The following SULT2B1 variants were observed in gnomAD, a reference collection of about 807,000 sequenced individuals.
SULT2B1 encodes sulfotransferase 2B1.
In SULT2B1, 16 loss-of-function variants were observed where a neutral mutation model predicts 33.2. That is an observed-to-expected ratio of 0.48 (90% confidence interval 0.33 to 0.73). The LOEUF (loss-of-function observed/expected upper bound fraction) is 0.73. Among genes scored for constraint, SULT2B1 ranks in the 30% least tolerant of loss-of-function variants. The probability of loss-of-function intolerance (pLI) is 0.02; values close to 1 mark genes in which losing one functional copy is unlikely to be tolerated. For missense variants in SULT2B1, 500 were observed against 506.0 expected (o/e 0.99, Z 0.11); for synonymous variants, 186 against 200.5 (o/e 0.93, Z 0.61).
chr19:48,553,011 C>A lies in SULT2B1; in HGVS notation c.71+688C>A, dbSNP rs553637922. ...TTACGCAGCTAGAAGCAAATCTGAA[C>A]CCGGTCTGTCTCACGCCAGAGCCTG... On this transcript the variant is annotated intron_variant, in intron 1 of 6. Transcript: ENST00000201586. Among the ~76,000 whole-genome samples, 3 of 152,276 alleles carry A rather than the reference C, an allele frequency of 2.0e-5. No individual in the cohort carries two copies. The South Asian group carries it at 6.2e-4, about 32-fold the overall frequency.
At chr19:48,579,280 GTTC>G (rs1344639841) in intron 2 of SULT2B1, among the ~76,000 whole-genome samples, 2 of 147,806 alleles carry the variant, frequency 1.4e-5, no homozygotes, top group African/African-American at 2.5e-5. Flanking sequence ...TTGCATGCAA[GTTC>G]TTTTTTTTTT....
In SULT2B1 at chr19:48,576,005, C is replaced by T; in HGVS notation, c.136C>T (p.Leu46Phe). Residue 46 changes from leucine (L) to phenylalanine (F), a missense_variant, in exon 2 of 7, where the codon CTC (leucine) becomes TTC (phenylalanine). Coordinates refer to ENST00000201586, the MANE Select transcript of SULT2B1 (RefSeq NM_177973.2). ...GVPFPVGLYS[L>F]ESISLAENTQ... ...CCCCTTCCCCGTCGGCCTGTACTCGCTCGAGAGCATCAGCTTGGCGGAGAA... is the reference window on the plus strand; with the variant it reads ...CCCCTTCCCCGTCGGCCTGTACTCGTTCGAGAGCATCAGCTTGGCGGAGAA... 1 of 1,614,002 alleles carries T rather than the reference C, an allele frequency of 6.2e-7. No individual in the cohort carries two copies. The highest frequency in any genetic ancestry group is 2.2e-5 in the East Asian group (1 of 44,866).
chr19:48,587,146 T>A, intron 2 of SULT2B1, 83 bp from the exon 3 acceptor site: 1 of 1,016,540 alleles, frequency 9.8e-7, no homozygotes, highest in South Asian at 1.6e-5. Context: ...AATTGCTCAA[T>A]AAGTGCTGTT....
intron 2 of SULT2B1, 31 bp from the exon 3 acceptor site, chr19:48,587,198 C>T (rs1478980550): frequency 7.1e-6 from 11 of 1,541,994 alleles, no homozygotes; most frequent in Non-Finnish European, 9.7e-6. Context: ...CCCTCCCACA[C>T]CCAATTAATC....
chr19:48,561,857 G>A (rs1973185354), intron 1 of SULT2B1, among the ~76,000 whole-genome samples: 1 of 152,188 alleles, frequency 6.6e-6, no homozygotes, highest in Admixed American at 6.6e-5. Flanking sequence ...GCTCATGCCT[G>A]TAATCACAGC....
At chr19:48,577,641 G>T (rs1483586053) in intron 2 of SULT2B1, among the ~76,000 whole-genome samples, 1 of 151,958 alleles carries the variant, frequency 6.6e-6, no homozygotes, top group Non-Finnish European at 1.5e-5. Context: ...TGCGATTACA[G>T]GTGTGAGCCC....
chr19:48,566,867 T>C (rs1387835933), intron 1 of SULT2B1, among the ~76,000 whole-genome samples: 2 of 150,496 alleles, frequency 1.3e-5, no homozygotes, highest in African/African-American at 4.9e-5. Flanking sequence ...GAGGGACGTG[T>C]TGGCACACAC....
At chr19:48,561,563 C>T (rs1973181287) in intron 1 of SULT2B1, among the ~76,000 whole-genome samples, 2 of 152,012 alleles carry the variant, frequency 1.3e-5, no homozygotes, top group African/African-American at 4.8e-5. Context: ...AAGTGAAGAG[C>T]CCCAGGCGAC....
intron 2 of SULT2B1, among the ~76,000 whole-genome samples, chr19:48,578,061 A>G (rs1973438188): frequency 6.6e-6 from 1 of 152,022 alleles, no homozygotes; most frequent in Non-Finnish European, 1.5e-5. Flanking sequence ...TAAAAAAAAA[A>G]AATTAGCCAG....
chr19:48,553,079 C>T (rs2147591795), intron 1 of SULT2B1, among the ~76,000 whole-genome samples: 1 of 152,236 alleles, frequency 6.6e-6, no homozygotes, highest in East Asian at 1.9e-4. Context: ...GTCCCCTTTA[C>T]ACCCCTCCCC....
intron 1 of SULT2B1, among the ~76,000 whole-genome samples, chr19:48,572,250 C>T (rs1286509505): frequency 6.6e-6 from 1 of 152,154 alleles, no homozygotes; most frequent in Non-Finnish European, 1.5e-5. Flanking sequence ...AGCGGTGGCT[C>T]ATGCCTGTAA....
Position 48,599,355 on chromosome 19 carries a change from C to T in SULT2B1, c.1047C>T (p.Pro349=). Reference sequence around the variant, plus strand: ...GTGAGCCCAGACCCAACTCCAGCCCCAGCCCCAGCCCCGGCCAGGCCTCTG... The same window carrying T: ...GTGAGCCCAGACCCAACTCCAGCCCTAGCCCCAGCCCCGGCCAGGCCTCTG... ...LEREPRPNSS[P]SPSPGQASET... The change falls in exon 7 of 7, where the codon CCC becomes CCT. Residue 349 remains proline (P), a synonymous_variant. Transcript: ENST00000201586. This position sits in a 1 kb window ranked among gnomAD's most constrained non-coding sequence, Gnocchi z 4.1. 1 of 1,573,704 alleles carries T rather than the reference C, an allele frequency of 6.4e-7. No homozygotes were observed. Among genetic ancestry groups the T allele is most frequent in the African/African-American group, 1.4e-5 (1 of 74,006 alleles).
chr19:48,577,899 G>C (rs1310469621), intron 2 of SULT2B1, among the ~76,000 whole-genome samples: 1 of 152,150 alleles, frequency 6.6e-6, no homozygotes, highest in African/African-American at 2.4e-5. Context: ...CACTATGATT[G>C]GTGGCAATAA....
intron 2 of SULT2B1, among the ~76,000 whole-genome samples, chr19:48,577,352 CTTTTTTTTTTTTTTT>C (rs1209521675): frequency 2.0e-4 from 6 of 30,648 alleles, no homozygotes; most frequent in South Asian, 3.7e-3. Context: ...ACTGAGCCGT[CTTTTTTTTTTTTTTT>C]TTTTTTTTTT....
intron 2 of SULT2B1, among the ~76,000 whole-genome samples, chr19:48,582,293 A>G (rs978503990): frequency 2.0e-5 from 3 of 152,168 alleles, no homozygotes; most frequent in Admixed American, 2.0e-4. Context: ...GTTTTTTTAA[A>G]TAGTTCCGTG....
intron 3 of SULT2B1, chr19:48,591,249 CTG>C (rs1229383796): frequency 1.1e-5 from 2 of 175,446 alleles, no homozygotes; most frequent in African/African-American, 4.8e-5. Context: ...AAGACCTTGC[CTG>C]TCCTCAAGGG....
At chr19:48,582,816 C>G (rs999022008) in intron 2 of SULT2B1, among the ~76,000 whole-genome samples, 1 of 151,580 alleles carries the variant, frequency 6.6e-6, no homozygotes, top group Non-Finnish European at 1.5e-5. Context: ...GCACTCCAGT[C>G]TGGGCAACAG....
At chr19:48,572,342 G>A (rs1441016750) in intron 1 of SULT2B1, among the ~76,000 whole-genome samples, 1 of 152,024 alleles carries the variant, frequency 6.6e-6, no homozygotes, top group Admixed American at 6.6e-5. Flanking sequence ...GTGAAACCTC[G>A]TCTCTACTAA....
intron 1 of SULT2B1, among the ~76,000 whole-genome samples, chr19:48,572,517 A>AAG: frequency 2.0e-5 from 3 of 151,486 alleles, no homozygotes; most frequent in African/African-American, 7.3e-5. Context: ...CCATCTCAAA[A>AAG]AAAATTAAAA....
Sources: allele counts gnomAD v4.1 joint callset (sites outside exome capture counted in the v4.1 genomes callset), GRCh38; gene constraint gnomAD v4.1.1; non-coding constraint Gnocchi (gnomAD v3.1); transcripts MANE v1.5; gene names NCBI Gene and HGNC (gene_info 2026-07-23, HGNC 2026-07-21).